Variants in SLF2 observed in about 807,000 individuals in gnomAD.
SLF2 encodes the protein SMC5-SMC6 complex localization factor protein 2.
In SLF2, 68 loss-of-function variants were observed where a neutral mutation model predicts 124.3. The observed-to-expected ratio is 0.55, with a 90% confidence interval of 0.45 to 0.67. The LOEUF (loss-of-function observed/expected upper bound fraction) is 0.67, where lower values mean the gene tolerates loss of function less well. SLF2 is among the 30% of genes least tolerant of loss of function. The pLI, the probability that SLF2 is intolerant of heterozygous loss-of-function variation, is 0.00. For synonymous variants in SLF2, 480 were observed against 478.8 expected, an observed-to-expected ratio of 1.00 and a Z score of -0.03; for missense variants, 1,246 against 1,373.7, an observed-to-expected ratio of 0.91 and a Z score of 1.47.
rs774982935 is a variant in SLF2, at chr10:100,938,597, A to G, written c.2515A>G (p.Thr839Ala). 4 of 1,605,156 alleles carry G rather than the reference A, an allele frequency of 2.5e-6. No homozygotes were observed. In the African/African-American group the frequency reaches 4.0e-5, roughly 16 times the overall value. ...AAATGTTTTCTTCTGTTAATTAGAT[A>G]CCTTCAGTGACTCACCAGTTTGGCC... The part of the protein sequence containing the change: ...TLMEITIRND[T>A]FSDSPVWPWI... The change falls in exon 11 of 20, where the codon ACC (threonine) becomes GCC (alanine). Residue 839 changes from threonine to alanine, a missense_variant and splice_region_variant. Coordinates refer to ENST00000238961, the MANE Select transcript of SLF2 (RefSeq NM_018121.4).
Position 100,938,652 on chromosome 10 carries a change from C to T in SLF2, c.2570C>T (p.Ala857Val), listed in dbSNP as rs1849910540. ...ATCCCATCATTGTCTGATGTAGCAG[C>T]TGTGTTTTTCAATATGGGGATTGAT... ...PWIPSLSDVAAVFFNMGIDFR... is the reference protein window; with the variant it reads ...PWIPSLSDVAVVFFNMGIDFR... Residue 857 changes from alanine (A) to valine (V), a missense_variant, in exon 11 of 20, where the codon GCT becomes GTT. Around this residue, in one of 3 missense-constraint regions of SLF2, gnomAD observed 535 missense variants for 632.8 expected, o/e 0.85. Transcript: ENST00000238961. 6.2e-7 allele frequency: 1 copy of T among 1,613,520 alleles called. No homozygotes were observed. The highest frequency in any genetic ancestry group is 1.7e-5 in the Admixed American group (1 of 59,892).
chr10:100,946,909 C>A, intron 13 of SLF2, 130 bp from the exon 14 acceptor site: 1 of 698,348 alleles, frequency 1.4e-6, no homozygotes, highest in South Asian at 1.7e-5. Flanking sequence ...AGACTCCATG[C>A]TATTTCTAAA....
chr10:100,923,250 T>C (rs997097055), intron 4 of SLF2, among the ~76,000 whole-genome samples: 4 of 152,160 alleles, frequency 2.6e-5, no homozygotes, highest in Non-Finnish European at 5.9e-5. Context: ...TTCTGGAAGC[T>C]AGAAGTTTGA....
intron 17 of SLF2, among the ~76,000 whole-genome samples, chr10:100,952,633 TG>T (rs1164968449): frequency 6.6e-6 from 1 of 151,968 alleles, no homozygotes; most frequent in Non-Finnish European, 1.5e-5. Context: ...TTATAAATGC[TG>T]TTGTATATAA....
At chr10:100,916,152 A>T (rs1849409175) in intron 2 of SLF2, 110 bp downstream of exon 2, 1 of 773,584 alleles carries the variant, frequency 1.3e-6, no homozygotes, top group Non-Finnish European at 2.0e-6. Flanking sequence ...AGTGTTCAAA[A>T]TTGAAAATAA....
chr10:100,937,258 G>A (rs561782735), intron 9 of SLF2, 144 bp from the exon 10 acceptor site: 46 of 695,638 alleles, frequency 6.6e-5, no homozygotes, highest in Middle Eastern at 3.5e-4. Flanking sequence ...GTATCCGCCC[G>A]CCTTAGCCTC....
chr10:100,915,937 A>G, intron 1 of SLF2, 62 bp from the exon 2 acceptor site: 2 of 1,264,648 alleles, frequency 1.6e-6, no homozygotes. Context: ...TCTCCATTTA[A>G]TCTGAGTTAT....
At chr10:100,954,387 A>G (rs1850285578) in intron 17 of SLF2, among the ~76,000 whole-genome samples, 1 of 152,234 alleles carries the variant, frequency 6.6e-6, no homozygotes, top group Non-Finnish European at 1.5e-5. Context: ...TTATTCATAT[A>G]TCTTTGCCCA....
At chr10:100,932,720 T>TGTGCGC (rs763852210) in intron 9 of SLF2, among the ~76,000 whole-genome samples, 187 of 36,236 alleles carry the variant, frequency 5.2e-3, no homozygotes, top group Non-Finnish European at 7.5e-3. Flanking sequence ...TGTGTGTGTG[T>TGTGCGC]GCGCGCGCGC....
chr10:100,945,603 CT>C, intron 13 of SLF2, 97 bp downstream of exon 13: 1 of 934,620 alleles, frequency 1.1e-6, no homozygotes. Context: ...AACTCAAGAT[CT>C]TTGGCGGATT....
intron 6 of SLF2, 68 bp from the exon 7 acceptor site, chr10:100,929,249 A>G: frequency 2.1e-6 from 3 of 1,429,170 alleles, no homozygotes; most frequent in Non-Finnish European, 2.8e-6. Flanking sequence ...CTGCTTTTAG[A>G]TATAAACTAA....
Position 100,962,008 on chromosome 10 carries a change from C to A in SLF2, c.*96C>A. The A allele has an allele frequency of 1.1e-5, 12 of 1,118,198 alleles. No individual in the cohort carries two copies. Among genetic ancestry groups the A allele is most frequent in the East Asian group, 2.5e-5 (1 of 39,370 alleles). 69.3% of individuals were successfully genotyped at this position (1,118,198 alleles called of 1,614,324 possible). On this transcript the variant is annotated 3_prime_UTR_variant, in exon 20 of 20. Transcript: ENST00000238961. ...GATTATTACAGAATCCAATGAATGC[C>A]AAGAAAATGTACAGCAAATGTGCCA...
intron 9 of SLF2, among the ~76,000 whole-genome samples, chr10:100,935,101 A>G (rs1025506472): frequency 6.6e-6 from 1 of 152,138 alleles, no homozygotes; most frequent in Non-Finnish European, 1.5e-5. Flanking sequence ...TTGTCTTGTA[A>G]AAAGTTATGT....
intron 6 of SLF2, chr10:100,926,360 TTAGGA>T: frequency 7.7e-7 from 1 of 1,292,822 alleles, no homozygotes; most frequent in Non-Finnish European, 1.0e-6. Flanking sequence ...ATCCAGTACT[TTAGGA>T]GGCCAAAGCA....
intron 1 of SLF2, chr10:100,913,777 C>G (rs889995223): frequency 3.7e-5 from 36 of 986,010 alleles, no homozygotes; most frequent in Admixed American, 6.1e-5. Context: ...TAACTTCACG[C>G]CTCTCCAAGA....
intron 4 of SLF2, among the ~76,000 whole-genome samples, chr10:100,922,613 A>T (rs181209185): frequency 1.3e-5 from 2 of 151,784 alleles, no homozygotes; most frequent in African/African-American, 2.4e-5. Context: ...CAAATAGTGA[A>T]TTTTTTGTGT....
intron 6 of SLF2, among the ~76,000 whole-genome samples, chr10:100,928,308 C>T (rs1013835737): frequency 5.9e-5 from 9 of 152,058 alleles, no homozygotes; most frequent in Admixed American, 1.3e-4. Context: ...AACCAAGTAG[C>T]TAACTTTAGG....
intron 1 of SLF2, among the ~76,000 whole-genome samples, chr10:100,915,134 T>C (rs1849390974): frequency 6.6e-6 from 1 of 152,224 alleles, no homozygotes; most frequent in Non-Finnish European, 1.5e-5. Context: ...TTAAGCCAGA[T>C]AATGAAATCC....
chr10:100,950,288 C>G, intron 16 of SLF2, 81 bp downstream of exon 16: 1 of 1,419,640 alleles, frequency 7.0e-7, no homozygotes, highest in Non-Finnish European at 9.3e-7. Flanking sequence ...GATATGTAGG[C>G]ATTTCTGGAT....
Sources: gnomAD v4.1 joint callset for allele counts (sites outside exome capture counted in the v4.1 genomes callset) on GRCh38, gnomAD v4.1.1 for gene constraint, gnomAD v4.1.1 regional missense constraint, MANE v1.5 for transcripts, NCBI Gene and HGNC (gene_info 2026-07-23, HGNC 2026-07-21) for gene names.